The following CDK15 variants were observed in gnomAD, a reference collection of about 807,000 sequenced individuals.
CDK15 encodes cyclin-dependent kinase 15.
In CDK15, 62 loss-of-function variants were observed where a neutral mutation model predicts 60.3. The ratio of observed to expected loss-of-function variants is 1.03; its 90% confidence interval spans 0.84 to 1.27. The LOEUF (loss-of-function observed/expected upper bound fraction) is 1.27. Among genes scored for constraint, CDK15 ranks in the 50% most tolerant of loss-of-function variants. The probability of loss-of-function intolerance (pLI) is 0.00; values close to 1 mark genes in which losing one functional copy is unlikely to be tolerated. For missense variants in CDK15, 541 were observed against 527.8 expected (o/e 1.03, Z -0.25); for synonymous variants, 194 against 195.7 (o/e 0.99, Z 0.07).
chr2:201,821,995 T>A (rs1696245696), intron 4 of CDK15, among the ~76,000 whole-genome samples: 1 of 152,186 alleles, frequency 6.6e-6, no homozygotes, highest in African/African-American at 2.4e-5. Flanking sequence ...GGTCTCTTTA[T>A]TGTACCTTTT....
chr2:201,883,792 G>A (rs1056914458), intron 12 of CDK15, among the ~76,000 whole-genome samples: 1 of 152,242 alleles, frequency 6.6e-6, no homozygotes, highest in Admixed American at 6.5e-5. Flanking sequence ...GGCTGAGCCA[G>A]CAGGGCAGGA....
At chr2:201,867,812 A>C (rs1198629040) in intron 10 of CDK15, among the ~76,000 whole-genome samples, 4 of 152,202 alleles carry the variant, frequency 2.6e-5, no homozygotes, top group Non-Finnish European at 2.9e-5. Context: ...AAAGAAGAAA[A>C]GGAATAAGAT....
chr2:201,813,190 A>C (rs886977378), intron 4 of CDK15, among the ~76,000 whole-genome samples: 1 of 152,210 alleles, frequency 6.6e-6, no homozygotes, highest in African/African-American at 2.4e-5. Context: ...TGAGTATTCA[A>C]CAAGAATATG....
intron 8 of CDK15, 104 bp from the exon 9 acceptor site, chr2:201,847,277 T>C (rs1697711570): frequency 8.6e-7 from 1 of 1,159,330 alleles, no homozygotes; most frequent in Admixed American, 2.2e-5. Flanking sequence ...TGGTCCGTAT[T>C]TAACTCTCCC....
chr2:201,854,628 G>T, intron 9 of CDK15: 1 of 504,236 alleles, frequency 2.0e-6, no homozygotes. Context: ...ATCTGCCTCA[G>T]AACAAGTGAG....
chr2:201,811,153 A>G (rs1298750877), intron 3 of CDK15, among the ~76,000 whole-genome samples: 1 of 31,422 alleles, frequency 3.2e-5, no homozygotes, highest in East Asian at 1.7e-3. Flanking sequence ...GAGGGTATGC[A>G]CTTTTTTTTT....
chr2:201,821,041 G>A (rs72926890), intron 4 of CDK15, among the ~76,000 whole-genome samples: 3,168 of 152,234 alleles, frequency 0.021, 45 homozygotes, highest in Non-Finnish European at 0.035. Context: ...AGGAAGCCGT[G>A]TCTCTCATTA....
chr2:201,870,945 T>G (rs1204390112), intron 10 of CDK15, among the ~76,000 whole-genome samples: 4 of 152,166 alleles, frequency 2.6e-5, no homozygotes, highest in African/African-American at 9.7e-5. Flanking sequence ...CTTGAGTGAA[T>G]GAGAAATCAT....
rs956095735 is a variant in CDK15, at chr2:201,893,428, A to G, written c.*161A>G. ...CTGGAATAGTTTAAATATGGTGTTCAAGGCAATAGTACATAATAGTGGAAG... is the reference window on the plus strand; with the variant it reads ...CTGGAATAGTTTAAATATGGTGTTCGAGGCAATAGTACATAATAGTGGAAG... On this transcript the variant is annotated 3_prime_UTR_variant, in exon 14 of 14. Transcript: ENST00000652192. The G allele has an allele frequency of 6.6e-6, 1 of 152,220 alleles. No homozygotes were observed. The highest frequency in any genetic ancestry group is 1.5e-5 in the Non-Finnish European group (1 of 68,038). The allele number at this position is 152,220 out of a possible 1,614,324, so 9.4% of individuals were successfully genotyped here.
rs548983850 is a variant in CDK15, at chr2:201,822,982, C to T, written c.543+79C>T. Reference sequence around the variant, plus strand: ...TAATGAATCTGTTAATATTTTATGGCATGATAAAACTTTTATTATAATGTG... The same window carrying T: ...TAATGAATCTGTTAATATTTTATGGTATGATAAAACTTTTATTATAATGTG... On this transcript the variant is annotated intron_variant, in intron 5 of 13. Transcript: ENST00000652192. 8.2e-6 allele frequency: 7 copies of T among 848,866 alleles called. No individual in the cohort carries two copies. The African/African-American group carries it at 1.2e-4, about 14-fold the overall frequency. 52.6% of individuals were successfully genotyped at this position (848,866 alleles called of 1,614,324 possible). A position where few individuals can be genotyped will look rare whatever the true frequency, so the allele number is the denominator to read the frequency against.
In CDK15 at chr2:201,890,759, G is replaced by A. The variant is rs756581480; in HGVS notation, c.1199-26G>A. On this transcript the variant is annotated intron_variant, in intron 12 of 13. Transcript: ENST00000652192. ...GAAGATCCCAGGAAATAACATATTG[G>A]TGCTTCTCTCTTTTCATTCCTACAG... 6 of 1,529,584 alleles carry A rather than the reference G, an allele frequency of 3.9e-6. No homozygotes were observed. The South Asian group carries it at 7.0e-5, about 18-fold the overall frequency. The allele number at this position is 1,529,584 out of a possible 1,614,324, so 94.8% of individuals were successfully genotyped here.
chr2:201,834,522 T>A (rs1320204360), intron 7 of CDK15, among the ~76,000 whole-genome samples: 1 of 152,218 alleles, frequency 6.6e-6, no homozygotes, highest in Non-Finnish European at 1.5e-5. Context: ...ATAATTATAT[T>A]CACACACATA....
intron 10 of CDK15, among the ~76,000 whole-genome samples, chr2:201,870,159 C>G (rs1698799590): frequency 6.6e-6 from 1 of 152,052 alleles, no homozygotes; most frequent in Admixed American, 6.6e-5. Context: ...ATTGAACTTC[C>G]TTTTGAAATT....
intron 3 of CDK15, 69 bp from the exon 4 acceptor site, chr2:201,812,414 C>A: frequency 2.2e-6 from 2 of 917,182 alleles, no homozygotes; most frequent in South Asian, 1.5e-5. Flanking sequence ...TTTGTTAAGC[C>A]ATCTTTGGTA....
intron 7 of CDK15, 70 bp from the exon 8 acceptor site, chr2:201,835,573 C>A: frequency 1.4e-6 from 2 of 1,420,128 alleles, no homozygotes; most frequent in South Asian, 1.7e-5. Flanking sequence ...GGTGTTTACC[C>A]TGGTCCAGTG....
chr2:201,888,033 CT>C (rs80136808), intron 12 of CDK15, among the ~76,000 whole-genome samples: 58,537 of 126,358 alleles, frequency 0.46, 11,961 homozygotes, highest in South Asian at 0.58. Context: ...AATTTTCAAC[CT>C]TTTTTTTTTT....
intron 10 of CDK15, among the ~76,000 whole-genome samples, chr2:201,857,019 C>A (rs1268238657): frequency 2.0e-5 from 1 of 49,436 alleles, no homozygotes; most frequent in Non-Finnish European, 3.6e-5. Flanking sequence ...GTCAGGAGAT[C>A]GAGACCATCC....
Position 201,854,942 on chromosome 2 carries a change from T to C in CDK15, c.1009+5T>C. On this transcript the variant is annotated splice_donor_5th_base_variant and intron_variant, in intron 10 of 13. Coordinates refer to ENST00000652192, the MANE Select transcript of CDK15 (RefSeq NM_001366386.2). Reference sequence around the variant, plus strand: ...AGCTACCTAACTACAATCCAGGTAATATTGATCTGAGCTTCTGAATACTCT... The same window carrying C: ...AGCTACCTAACTACAATCCAGGTAACATTGATCTGAGCTTCTGAATACTCT... The C allele has an allele frequency of 6.2e-7, 1 of 1,613,452 alleles. No homozygotes were observed. Among genetic ancestry groups the C allele is most frequent in the South Asian group, 1.1e-5 (1 of 91,052 alleles).
intron 8 of CDK15, among the ~76,000 whole-genome samples, chr2:201,838,478 C>G (rs1697224727): frequency 6.6e-6 from 1 of 152,034 alleles, no homozygotes; most frequent in African/African-American, 2.4e-5. Context: ...GAGATTGTCT[C>G]ACTGCAGCCT....
Sources: gnomAD v4.1 joint callset for allele counts (sites outside exome capture counted in the v4.1 genomes callset) on GRCh38, gnomAD v4.1.1 for gene constraint, MANE v1.5 for transcripts, NCBI Gene and HGNC (gene_info 2026-07-23, HGNC 2026-07-21) for gene names.